The following MPRIP variants were observed in gnomAD, a reference collection of about 807,000 sequenced individuals.
MPRIP encodes myosin phosphatase Rho interacting protein.
Under a neutral mutation model 234.9 loss-of-function variants are expected in MPRIP, and 59 were observed. That is an observed-to-expected ratio of 0.25 (90% CI 0.20 to 0.31). The LOEUF (loss-of-function observed/expected upper bound fraction) is 0.31. Among genes scored for constraint, MPRIP ranks in the 10% least tolerant of loss-of-function variants. MPRIP has a pLI of 1.00. For missense variants in MPRIP, 2,436 were observed against 3,071.0 expected (o/e 0.79, Z 4.89); for synonymous variants, 1,144 against 1,263.9 (o/e 0.91, Z 2.01).
intron 3 of MPRIP, among the ~76,000 whole-genome samples, chr17:17,082,079 A>G (rs1418375655): frequency 6.6e-6 from 1 of 151,954 alleles, no homozygotes; most frequent in African/African-American, 2.4e-5. Context: ...ATTTTACCTA[A>G]TTCTGTCACC....
chr17:17,168,167 G>A (rs532159408), intron 16 of MPRIP: 12 of 336,602 alleles, frequency 3.6e-5, no homozygotes, highest in East Asian at 1.6e-4. Flanking sequence ...AGAGGAGCAC[G>A]TAGTCTTCCC....
intron 1 of MPRIP, among the ~76,000 whole-genome samples, chr17:17,049,631 A>C (rs972452726): frequency 1.3e-5 from 2 of 152,236 alleles, no homozygotes; most frequent in African/African-American, 4.8e-5. Flanking sequence ...TCAAGCTTTC[A>C]TCAAATCCCG....
At chr17:17,048,749 A>G (rs1036893408) in intron 1 of MPRIP, among the ~76,000 whole-genome samples, 3 of 152,226 alleles carry the variant, frequency 2.0e-5, no homozygotes, top group Non-Finnish European at 2.9e-5. Flanking sequence ...GAAATGGTGT[A>G]GCTGCTGTGG....
At chr17:17,083,730 GTTGTTT>G (rs1443133247) in intron 3 of MPRIP, among the ~76,000 whole-genome samples, 3 of 151,930 alleles carry the variant, frequency 2.0e-5, no homozygotes, top group South Asian at 2.1e-4. Flanking sequence ...TTTTTTTGTT[GTTGTTT>G]TTGTTTTTGT....
At chr17:17,096,231 ATTG>A (rs2089836093) in intron 3 of MPRIP, among the ~76,000 whole-genome samples, 1 of 140,072 alleles carries the variant, frequency 7.1e-6, no homozygotes, top group Admixed American at 7.3e-5. Context: ...TGTGGGTCAT[ATTG>A]TTGGTCTGGG....
chr17:17,088,128 C>T (rs891822668), intron 3 of MPRIP, among the ~76,000 whole-genome samples: 1 of 152,188 alleles, frequency 6.6e-6, no homozygotes, highest in Non-Finnish European at 1.5e-5. Flanking sequence ...GCTCTCTGTT[C>T]AGACTTTTGC....
At chr17:17,117,246 A>T (rs972144541) in intron 3 of MPRIP, among the ~76,000 whole-genome samples, 2 of 152,256 alleles carry the variant, frequency 1.3e-5, no homozygotes, top group East Asian at 3.8e-4. Context: ...CGGGTGTGCC[A>T]TCCCGAGCCT....
intron 13 of MPRIP, 69 bp from the exon 14 acceptor site, chr17:17,158,363 C>A: frequency 7.2e-7 from 1 of 1,384,170 alleles, no homozygotes; most frequent in Non-Finnish European, 9.8e-7. Flanking sequence ...CTCAGCATTG[C>A]CAGCTTCTGC....
chr17:17,141,282 G>A (rs547337018), intron 7 of MPRIP, among the ~76,000 whole-genome samples: 1 of 152,294 alleles, frequency 6.6e-6, no homozygotes, highest in South Asian at 2.1e-4. Context: ...TGTGGTGGAC[G>A]CCTGGCTTGC....
At chr17:17,163,683 CTT>C (rs932304794) in intron 15 of MPRIP, among the ~76,000 whole-genome samples, 1 of 152,088 alleles carries the variant, frequency 6.6e-6, no homozygotes, top group Non-Finnish European at 1.5e-5. Context: ...GTGTCCTGCG[CTT>C]GTTTAGGATT....
At chr17:17,067,852 T>G (rs1168413912) in intron 1 of MPRIP, among the ~76,000 whole-genome samples, 2 of 147,060 alleles carry the variant, frequency 1.4e-5, no homozygotes, top group Non-Finnish European at 3.0e-5. Flanking sequence ...CCTTAAACAC[T>G]TGTTAGAAAT....
chr17:17,169,040 G>A (rs1390673857), intron 16 of MPRIP: 3 of 456,608 alleles, frequency 6.6e-6, no homozygotes, highest in East Asian at 7.0e-5. Context: ...CACAGGTGTG[G>A]TTGTCAGCGA....
intron 1 of MPRIP, among the ~76,000 whole-genome samples, chr17:17,048,566 A>G (rs1297690364): frequency 6.6e-6 from 1 of 152,138 alleles, no homozygotes; most frequent in African/African-American, 2.4e-5. Flanking sequence ...CCCATTTCAG[A>G]CGGCCAAGCA....
At chr17:17,105,698 G>A (rs527442026) in intron 3 of MPRIP, among the ~76,000 whole-genome samples, 1 of 152,298 alleles carries the variant, frequency 6.6e-6, no homozygotes, top group Admixed American at 6.5e-5. Flanking sequence ...AGTGAGGGCT[G>A]TTCCCTGGAA....
chr17:17,067,894 CT>C (rs1458691057), intron 1 of MPRIP, among the ~76,000 whole-genome samples: 3 of 126,828 alleles, frequency 2.4e-5, no homozygotes, highest in African/African-American at 9.0e-5. Context: ...TTGGAGATTT[CT>C]TTTTTGTGAG....
At chr17:17,150,870 AG>A (rs1384196396) in intron 12 of MPRIP, among the ~76,000 whole-genome samples, 1 of 151,790 alleles carries the variant, frequency 6.6e-6, no homozygotes, top group Non-Finnish European at 1.5e-5. Context: ...CCCCCAAGAC[AG>A]GGTCTCACTC....
At position 17,158,435 on chromosome 17, in the gene MPRIP, G is replaced by T; in HGVS notation, c.1833G>T (p.Ser611=). 6.4e-7 allele frequency: 1 copy of T among 1,559,626 alleles called. No homozygotes were observed. The highest frequency in any genetic ancestry group is 8.7e-7 in the Non-Finnish European group (1 of 1,152,804). ...TGTCCATCCTCCTGCCCCACAGCTC[G>T]TTGCCAGAGGAAAAAAACAAGAGCA... The part of the protein sequence containing the change: ...HPTTAPDVTS[S]LPEEKNKSSC... Residue 611 remains serine (S), a synonymous_variant, in exon 14 of 24, where the codon TCG becomes TCT. Coordinates refer to ENST00000651222, the MANE Select transcript of MPRIP (RefSeq NM_001364716.4).
intron 3 of MPRIP, among the ~76,000 whole-genome samples, chr17:17,096,227 T>G (rs749646265): frequency 5.3e-5 from 8 of 151,748 alleles, no homozygotes; most frequent in Non-Finnish European, 1.2e-4. Context: ...CCTGTGTGGG[T>G]CATATTGTTG....
chr17:17,156,448 TTTA>T (rs1271359542), intron 13 of MPRIP, among the ~76,000 whole-genome samples: 4 of 152,244 alleles, frequency 2.6e-5, no homozygotes, highest in Non-Finnish European at 5.9e-5. Flanking sequence ...TGTGTAGGCT[TTTA>T]TTATTTGAGG....
Sources: gnomAD v4.1 joint callset for allele counts (sites outside exome capture counted in the v4.1 genomes callset) on GRCh38, gnomAD v4.1.1 for gene constraint, MANE v1.5 for transcripts, NCBI Gene and HGNC (gene_info 2026-07-23, HGNC 2026-07-21) for gene names.